PRKCH: variants seen among roughly 807,000 people sequenced by gnomAD.
PRKCH encodes protein kinase C eta type.
PRKCH carries 28 observed loss-of-function variants against 82.5 expected under a neutral mutation model. That is an observed-to-expected ratio of 0.34 (90% confidence interval 0.25 to 0.47). PRKCH has a LOEUF of 0.47. PRKCH is among the 20% of genes least tolerant of loss of function. The pLI is 1.00. For synonymous variants in PRKCH, 322 were observed against 327.4 expected (o/e 0.98, Z 0.18); for missense variants, 705 against 881.8 (o/e 0.80, Z 2.54).
intron 2 of PRKCH, among the ~76,000 whole-genome samples, chr14:61,442,089 A>G (rs1884002672): frequency 6.6e-6 from 1 of 152,154 alleles, no homozygotes; most frequent in Non-Finnish European, 1.5e-5. Flanking sequence ...ATTTTTTAGC[A>G]AATTATTATT....
Position 61,228,877 on chromosome 14 carries a change from TA to T in PRKCH, c.-19+41217del, listed in dbSNP as rs199882220. Among the ~76,000 whole-genome samples, 261 of 151,436 alleles carry T rather than the reference TA, an allele frequency of 1.7e-3. 5 individuals are homozygous for T. In the East Asian group the frequency reaches 0.042, roughly 24 times the overall value. ...GCAACATAGTGAGATCCTCTCCCTT[TA>T]AAAAAAATTTTTTTTAATATAAAAA... On this transcript the variant is annotated intron_variant, in intron 1 of 3. Transcript: ENST00000555185.
chr14:61,360,282 A>G (rs1314470164), intron 1 of PRKCH, among the ~76,000 whole-genome samples: 1 of 152,208 alleles, frequency 6.6e-6, no homozygotes, highest in African/African-American at 2.4e-5. Flanking sequence ...AGGCAGGTGG[A>G]TCACTTGAGG....
intron 1 of PRKCH, among the ~76,000 whole-genome samples, chr14:61,259,107 A>G (rs1472947508): frequency 6.6e-6 from 1 of 152,200 alleles, no homozygotes; most frequent in Non-Finnish European, 1.5e-5. Context: ...AAATGCCGTG[A>G]TGAATTGGAG....
chr14:61,305,624 A>G (rs918700511), intron 1 of PRKCH: 1 of 152,156 alleles, frequency 6.6e-6, no homozygotes, highest in Non-Finnish European at 1.5e-5. Flanking sequence ...GCCATCTCCA[A>G]ACTGCTCTAA....
chr14:61,253,983 C>CT (rs1406808884), intron 1 of PRKCH, among the ~76,000 whole-genome samples: 77 of 111,022 alleles, frequency 6.9e-4, no homozygotes, highest in Middle Eastern at 4.6e-3. Flanking sequence ...TCCCTCCTCC[C>CT]TCCCTCCCTC....
At chr14:61,374,486 G>T (rs1435521810) in intron 1 of PRKCH, among the ~76,000 whole-genome samples, 2 of 152,076 alleles carry the variant, frequency 1.3e-5, no homozygotes. Context: ...CATCCCTGCA[G>T]CAGACTTCTG....
intron 2 of PRKCH, among the ~76,000 whole-genome samples, chr14:61,437,533 G>A (rs900343375): frequency 1.3e-5 from 2 of 152,136 alleles, no homozygotes; most frequent in African/African-American, 4.8e-5. Context: ...AATAGTCAAC[G>A]GAGTCTGGTG....
intron 1 of PRKCH, among the ~76,000 whole-genome samples, chr14:61,330,875 G>A (rs942323704): frequency 4.6e-5 from 7 of 152,114 alleles, no homozygotes; most frequent in Admixed American, 4.6e-4. Context: ...CAATCTTTTG[G>A]CTTCCCTGGG....
chr14:61,501,780 T>C (rs907104354), intron 10 of PRKCH, among the ~76,000 whole-genome samples: 1 of 152,150 alleles, frequency 6.6e-6, no homozygotes, highest in African/African-American at 2.4e-5. Context: ...AAAAGGACAC[T>C]TTTAGCTGTT....
At chr14:61,378,008 C>G (rs1468702297) in intron 1 of PRKCH, among the ~76,000 whole-genome samples, 1 of 152,156 alleles carries the variant, frequency 6.6e-6, no homozygotes, top group African/African-American at 2.4e-5. Flanking sequence ...CTCTCTTACT[C>G]CTGTATGGAC....
intron 1 of PRKCH, among the ~76,000 whole-genome samples, chr14:61,210,114 ATAT>A (rs1566781645): frequency 1.3e-4 from 1 of 7,910 alleles, no homozygotes; most frequent in African/African-American, 1.1e-3. Context: ...ACAAACAAAT[ATAT>A]ATATATATAT....
chr14:61,485,715 A>C, intron 10 of PRKCH, 59 bp downstream of exon 10: 1 of 1,528,122 alleles, frequency 6.5e-7, no homozygotes, highest in East Asian at 2.3e-5. Flanking sequence ...TCCTGGTATG[A>C]TCCATCCTTC....
chr14:61,225,308 T>C (rs2044688683), intron 1 of PRKCH, among the ~76,000 whole-genome samples: 1 of 152,268 alleles, frequency 6.6e-6, no homozygotes, highest in Admixed American at 6.5e-5. Context: ...TTCTATGTTA[T>C]CACGGACTCC....
intron 1 of PRKCH, among the ~76,000 whole-genome samples, chr14:61,265,248 A>C (rs1219834211): frequency 6.6e-6 from 1 of 152,166 alleles, no homozygotes; most frequent in African/African-American, 2.4e-5. Flanking sequence ...TGGGAAGCCA[A>C]GGTGGGTGGA....
chr14:61,423,782 A>G (rs1882977499), intron 2 of PRKCH, among the ~76,000 whole-genome samples: 1 of 152,178 alleles, frequency 6.6e-6, no homozygotes, highest in Non-Finnish European at 1.5e-5. Flanking sequence ...CAGCAATGTA[A>G]AAGTCTGTTG....
At position 61,433,884 on chromosome 14, in the gene PRKCH, T is replaced by C. The variant is rs116065155; in HGVS notation, c.428-9227T>C. Among the ~76,000 whole-genome samples, 1,274 of 152,330 alleles carry C rather than the reference T, an allele frequency of 8.4e-3. 17 individuals are homozygous for C. The highest frequency in any genetic ancestry group is 0.029 in the African/African-American group (1,203 of 41,568). The stretch of plus-strand genomic sequence containing the variant: ...GGATTTTCAGTGATTATTGATGTAA[T>C]AAGATTTATGATTTTTAAAAAGAAA... On this transcript the variant is annotated intron_variant, in intron 2 of 13. Transcript: ENST00000332981.
chr14:61,285,230 C>T (rs1258408754), intron 1 of PRKCH, among the ~76,000 whole-genome samples: 3 of 152,132 alleles, frequency 2.0e-5, no homozygotes, highest in Admixed American at 2.0e-4. Context: ...ATTTACACTG[C>T]CACACCAATG....
chr14:61,243,248 A>G (rs1298859463), intron 1 of PRKCH, among the ~76,000 whole-genome samples: 1 of 151,920 alleles, frequency 6.6e-6, no homozygotes, highest in African/African-American at 2.4e-5. Context: ...TACAAAAAAA[A>G]TTCACCAGGT....
intron 13 of PRKCH, among the ~76,000 whole-genome samples, chr14:61,549,414 CAAATT>C (rs1457058216): frequency 6.6e-6 from 1 of 152,166 alleles, no homozygotes; most frequent in East Asian, 1.9e-4. Flanking sequence ...TTTGGATGAC[CAAATT>C]AATTCTTAGC....
Sources: gnomAD v4.1 joint callset for allele counts (sites outside exome capture counted in the v4.1 genomes callset) on GRCh38, gnomAD v4.1.1 for gene constraint, MANE v1.5 for transcripts, NCBI Gene and HGNC (gene_info 2026-07-23, HGNC 2026-07-21) for gene names.